The following MYO16 variants were observed in gnomAD, a reference collection of about 807,000 sequenced individuals.
MYO16 encodes the protein unconventional myosin-XVI.
Under a neutral mutation model 205.3 loss-of-function variants are expected in MYO16, and 94 were observed. That is an observed-to-expected ratio of 0.46 (90% CI 0.39 to 0.54). The LOEUF is 0.54. Among genes scored for constraint, MYO16 ranks in the 20% least tolerant of loss-of-function variants. MYO16 has a pLI of 0.00. For missense variants in MYO16, 2,315 were observed against 2,387.5 expected, an observed-to-expected ratio of 0.97 and a Z score of 0.63; for synonymous variants, 988 against 954.0, an observed-to-expected ratio of 1.04 and a Z score of -0.66.
At chr13:108,717,629 CAAAAAAA>C (rs59387181) in intron 3 of MYO16, among the ~76,000 whole-genome samples, 7 of 96,410 alleles carry the variant, frequency 7.3e-5, no homozygotes, top group African/African-American at 2.1e-4. Context: ...GACTCCATCT[CAAAAAAA>C]AAAAAAAAAA....
At chr13:108,617,673 G>A (rs550856509) in intron 1 of MYO16, among the ~76,000 whole-genome samples, 1 of 152,206 alleles carries the variant, frequency 6.6e-6, no homozygotes, top group Non-Finnish European at 1.5e-5. Flanking sequence ...AATAAATAGA[G>A]ACTAGGATCC....
chr13:108,763,134 G>T (rs186428225), intron 4 of MYO16, among the ~76,000 whole-genome samples: 1 of 152,076 alleles, frequency 6.6e-6, no homozygotes, highest in South Asian at 2.1e-4. Context: ...TTTATTGAGG[G>T]TCTACTATGA....
chr13:108,583,896 T>A, the MYO16 span, among the ~76,000 whole-genome samples: 1 of 152,214 alleles, frequency 6.6e-6, no homozygotes, highest in Non-Finnish European at 1.5e-5. Context: ...ATCAAAAGAT[T>A]AAAAATAAAG....
chr13:108,840,109 G>T (rs997583623), intron 9 of MYO16, among the ~76,000 whole-genome samples: 1 of 152,166 alleles, frequency 6.6e-6, no homozygotes. Context: ...TTACTGACTT[G>T]AAAATGCATG....
At chr13:109,118,119 A>G (rs1875813680) in intron 28 of MYO16, among the ~76,000 whole-genome samples, 1 of 152,140 alleles carries the variant, frequency 6.6e-6, no homozygotes. Context: ...CTCAAGACCA[A>G]ATGGCTTAGA....
intron 23 of MYO16, among the ~76,000 whole-genome samples, chr13:109,040,942 G>A (rs1886865862): frequency 6.6e-6 from 1 of 152,116 alleles, no homozygotes; most frequent in African/African-American, 2.4e-5. Flanking sequence ...AATTGCCTTT[G>A]TGTAAAATCC....
chr13:109,194,466 C>T (rs1347598977), intron 34 of MYO16, among the ~76,000 whole-genome samples: 1 of 151,994 alleles, frequency 6.6e-6, no homozygotes, highest in Admixed American at 6.6e-5. Context: ...TTGTGAGTGT[C>T]GACTAGAGTA....
chr13:108,840,068 C>A (rs367910), intron 9 of MYO16, among the ~76,000 whole-genome samples: 1 of 151,994 alleles, frequency 6.6e-6, no homozygotes, highest in Non-Finnish European at 1.5e-5. Flanking sequence ...CTCACCCAAA[C>A]TGGTAGAACC....
At chr13:108,816,183 A>G (rs196174) in intron 7 of MYO16, among the ~76,000 whole-genome samples, 2,433 of 152,286 alleles carry the variant, frequency 0.016, 70 homozygotes, top group African/African-American at 0.055. Context: ...CTTTCAGAAG[A>G]AACTATAGTA....
intron 4 of MYO16, among the ~76,000 whole-genome samples, chr13:108,752,795 C>T (rs1196236282): frequency 7.2e-6 from 1 of 139,138 alleles, no homozygotes; most frequent in Non-Finnish European, 1.5e-5. Flanking sequence ...ACACCTGCCA[C>T]CGTGCCCAGC....
intron 16 of MYO16, among the ~76,000 whole-genome samples, chr13:108,936,648 T>C (rs774510540): frequency 2.8e-4 from 42 of 152,104 alleles, no homozygotes; most frequent in Non-Finnish European, 1.0e-4. Flanking sequence ...CTGCTTTTTG[T>C]TTTGTTTTGC....
At chr13:108,939,289 G>A (rs935359070) in intron 16 of MYO16, among the ~76,000 whole-genome samples, 1 of 152,152 alleles carries the variant, frequency 6.6e-6, no homozygotes, top group African/African-American at 2.4e-5. Context: ...TTAACTTCAG[G>A]GCTTGGGAAA....
At chr13:109,093,378 TCAGA>T (rs1888678785) in intron 27 of MYO16, among the ~76,000 whole-genome samples, 1 of 152,062 alleles carries the variant, frequency 6.6e-6, no homozygotes, top group East Asian at 1.9e-4. Flanking sequence ...CCCTGTCCAG[TCAGA>T]CAGAGGTGTA....
chr13:108,765,191 C>T (rs1182692052), intron 4 of MYO16, among the ~76,000 whole-genome samples: 1 of 152,122 alleles, frequency 6.6e-6, no homozygotes, highest in Non-Finnish European at 1.5e-5. Context: ...CTGCACTTCT[C>T]CAGACCTTAA....
chr13:108,866,273 A>C (rs1179282659), intron 12 of MYO16, 31 bp downstream of exon 12: 1 of 1,387,560 alleles, frequency 7.2e-7, no homozygotes, highest in Admixed American at 1.8e-5. Context: ...ATCATTGAAT[A>C]ATGTAGAGTA....
chr13:109,193,004 A>G (rs1274691036), intron 34 of MYO16, among the ~76,000 whole-genome samples: 1 of 152,140 alleles, frequency 6.6e-6, no homozygotes, highest in Non-Finnish European at 1.5e-5. Flanking sequence ...ATGCCTCTTC[A>G]TGTCTTCCAA....
chr13:108,905,732 A>G (rs1231004691), intron 15 of MYO16, among the ~76,000 whole-genome samples: 3 of 151,102 alleles, frequency 2.0e-5, no homozygotes, highest in Non-Finnish European at 4.4e-5. Context: ...TCTTTTGATG[A>G]TATTGTTTCC....
chr13:108,728,148 A>T (rs1262168747), intron 4 of MYO16, among the ~76,000 whole-genome samples: 1 of 152,252 alleles, frequency 6.6e-6, no homozygotes, highest in Non-Finnish European at 1.5e-5. Flanking sequence ...GAAACTATTT[A>T]CAATTTTTAG....
chr13:108,723,198 CTGTT>C (rs1884226371), intron 3 of MYO16, among the ~76,000 whole-genome samples: 2 of 152,134 alleles, frequency 1.3e-5, no homozygotes, highest in African/African-American at 4.8e-5. Context: ...ATCTTTGAAG[CTGTT>C]TGTTTCTTTT....
Sources: gnomAD v4.1 joint callset for allele counts (sites outside exome capture counted in the v4.1 genomes callset) on GRCh38, gnomAD v4.1.1 for gene constraint, MANE v1.5 for transcripts, NCBI Gene and HGNC (gene_info 2026-07-23, HGNC 2026-07-21) for gene names.